The following DNAH14 variants were observed in gnomAD, a reference collection of about 807,000 sequenced individuals.
The protein encoded by DNAH14 is axonemal beta dynein heavy chain 14.
DNAH14 carries 478 observed loss-of-function variants against 520.9 expected under a neutral mutation model. The ratio of observed to expected loss-of-function variants is 0.92; its 90% CI spans 0.85 to 0.99. The LOEUF is 0.99. Ranked by LOEUF, DNAH14 falls within the 50% of genes least tolerant of loss-of-function variation. The pLI, the probability that DNAH14 is intolerant of heterozygous loss-of-function variation, is 0.00. For missense variants in DNAH14, 4,831 were observed against 5,234.5 expected (o/e 0.92, Z 2.38); for synonymous variants, 1,581 against 1,757.2 (o/e 0.90, Z 2.51).
At chr1:225,156,395 G>T (rs117814109) in intron 34 of DNAH14, among the ~76,000 whole-genome samples, 3,235 of 152,184 alleles carry the variant, frequency 0.021, 90 homozygotes, top group African/African-American at 0.062. Flanking sequence ...GAGACTCTTG[G>T]GCAGATTCCA....
At chr1:225,395,129 T>G in intron 84 of DNAH14, among the ~76,000 whole-genome samples, 1 of 152,208 alleles carries the variant, frequency 6.6e-6, no homozygotes, top group East Asian at 1.9e-4. Context: ...AGGAATTTTT[T>G]AATGAAGAAT....
intron 17 of DNAH14, among the ~76,000 whole-genome samples, chr1:225,070,336 G>A (rs988899410): frequency 6.6e-6 from 1 of 151,876 alleles, no homozygotes; most frequent in Admixed American, 6.6e-5. Context: ...TTTTGATGTG[G>A]GCATTTAGTG....
Position 225,333,236 on chromosome 1 carries a change from TATCTC to T in DNAH14, c.9865-52_9865-48del. On this transcript the variant is annotated intron_variant, in intron 65 of 85. Coordinates refer to ENST00000682510, the MANE Select transcript of DNAH14 (RefSeq NM_001367479.1). Reference sequence around the variant, plus strand: ...AACTTGGAAATCATTAATTTTAAAATATCTCATGATAATATATTTTATATAGAATA... The same window carrying T: ...AACTTGGAAATCATTAATTTTAAAATATGATAATATATTTTATATAGAATA... 9.7e-6 allele frequency: 13 copies of T among 1,345,008 alleles called. No homozygotes were observed. The South Asian group carries it at 1.7e-4, about 18-fold the overall frequency. 83.3% of individuals were successfully genotyped at this position (1,345,008 alleles called of 1,614,324 possible). A position where few individuals can be genotyped will look rare whatever the true frequency, so the allele number is the denominator to read the frequency against.
chr1:224,995,665 C>G (rs1386055453), intron 8 of DNAH14, among the ~76,000 whole-genome samples: 1 of 151,942 alleles, frequency 6.6e-6, no homozygotes, highest in African/African-American at 2.4e-5. Flanking sequence ...TTTGTAACTT[C>G]TATTTTGAGA....
At chr1:225,167,071 T>C (rs1293020625) in intron 35 of DNAH14, among the ~76,000 whole-genome samples, 1 of 152,220 alleles carries the variant, frequency 6.6e-6, no homozygotes, top group African/African-American at 2.4e-5. Context: ...ATTCATAAGT[T>C]CAGGCCTGAA....
At chr1:225,194,988 G>T (rs980167749) in intron 38 of DNAH14, among the ~76,000 whole-genome samples, 2 of 152,054 alleles carry the variant, frequency 1.3e-5, no homozygotes, top group African/African-American at 2.4e-5. Context: ...AGTCAGAATG[G>T]CTATTACAAA....
chr1:225,075,222 C>T (rs1035095970), intron 17 of DNAH14, among the ~76,000 whole-genome samples: 1 of 152,158 alleles, frequency 6.6e-6, no homozygotes, highest in Non-Finnish European at 1.5e-5. Flanking sequence ...CTCACCACTT[C>T]CCTGGGTGGG....
intron 55 of DNAH14, among the ~76,000 whole-genome samples, chr1:225,293,576 T>C (rs1369775970): frequency 4.6e-5 from 7 of 152,040 alleles, no homozygotes; most frequent in Non-Finnish European, 1.5e-5. Context: ...CAGAAAACCA[T>C]ATACTAAATG....
intron 84 of DNAH14, among the ~76,000 whole-genome samples, chr1:225,393,627 AGG>A (rs201833828): frequency 0.012 from 1,897 of 152,292 alleles, 41 homozygotes; most frequent in African/African-American, 0.042. Flanking sequence ...AAATACACTG[AGG>A]GTCATACATG....
intron 66 of DNAH14, among the ~76,000 whole-genome samples, chr1:225,334,665 G>C (rs1422226640): frequency 6.6e-6 from 1 of 152,086 alleles, no homozygotes; most frequent in Non-Finnish European, 1.5e-5. Context: ...TACAGCCACA[G>C]TTTGAGAACA....
rs763548343 is a variant in DNAH14, at chr1:225,389,750, A to C, written c.13207A>C (p.Thr4403Pro). 1.3e-6 allele frequency: 2 copies of C among 1,552,250 alleles called. No homozygotes were observed. The highest frequency in any genetic ancestry group is 1.7e-6 in the Non-Finnish European group (2 of 1,147,090). Residue 4403 changes from threonine to proline, a missense_variant, in exon 83 of 86, where the codon ACA becomes CCA. By Grantham distance (38) the Thr-to-Pro change is conservative (BLOSUM62 -1). Transcript: ENST00000682510. ...AIQRRYMRFV[T>P]VWKQSIPSTS... ...TTCCACTAGGTATATGAGATTTGTC[A>C]CAGTTTGGAAGCAGTCTATTCCATC... is the stretch of plus-strand genomic sequence containing the variant.
chr1:225,287,783 G>A (rs1376382838), intron 54 of DNAH14, among the ~76,000 whole-genome samples: 1 of 152,032 alleles, frequency 6.6e-6, no homozygotes, highest in African/African-American at 2.4e-5. Flanking sequence ...ATATGAGCCT[G>A]GAGAATCCTG....
In DNAH14 at chr1:225,240,834, G is replaced by A. The variant is rs1320554938; in HGVS notation, c.6748+12G>A. Reference sequence around the variant, plus strand: ...CAGTTCACAAGTAGGTAAGTTCTGTGGGAAAAATCATAACTATACTTATTT... The same window carrying A: ...CAGTTCACAAGTAGGTAAGTTCTGTAGGAAAAATCATAACTATACTTATTT... On this transcript the variant is annotated intron_variant, in intron 43 of 85. Coordinates refer to ENST00000682510, the MANE Select transcript of DNAH14 (RefSeq NM_001367479.1). 1.3e-6 allele frequency: 2 copies of A among 1,503,958 alleles called. No homozygotes were observed. The highest frequency in any genetic ancestry group is 1.2e-5 in the South Asian group (1 of 81,372). The allele number at this position is 1,503,958 out of a possible 1,614,324, so 93.2% of individuals were successfully genotyped here. A position where few individuals can be genotyped will look rare whatever the true frequency, so the allele number is the denominator to read the frequency against.
chr1:225,388,318 G>A (rs2095865067), intron 81 of DNAH14, 61 bp from the exon 82 acceptor site: 2 of 1,001,634 alleles, frequency 2.0e-6, no homozygotes, highest in Non-Finnish European at 3.0e-6. Flanking sequence ...TTGCAGAAAT[G>A]TTCCTAATGA....
intron 74 of DNAH14, among the ~76,000 whole-genome samples, chr1:225,360,355 G>A (rs2095479194): frequency 6.6e-6 from 1 of 152,224 alleles, no homozygotes; most frequent in South Asian, 2.1e-4. Context: ...GATGCCCACA[G>A]AAGTTAAAAA....
intron 77 of DNAH14, among the ~76,000 whole-genome samples, chr1:225,372,061 A>G (rs887874288): frequency 2.0e-5 from 3 of 152,186 alleles, no homozygotes; most frequent in African/African-American, 7.2e-5. Flanking sequence ...TACATAGGTA[A>G]TAAGTGGAGG....
At chr1:225,223,213 A>T (rs531929362) in intron 41 of DNAH14, among the ~76,000 whole-genome samples, 2 of 152,332 alleles carry the variant, frequency 1.3e-5, no homozygotes, top group South Asian at 4.1e-4. Flanking sequence ...CGGTAATGCA[A>T]GATCGACAAA....
intron 11 of DNAH14, among the ~76,000 whole-genome samples, chr1:225,035,066 T>G (rs1351919647): frequency 6.6e-6 from 1 of 151,840 alleles, no homozygotes; most frequent in Non-Finnish European, 1.5e-5. Context: ...TTTTTGTGTG[T>G]GTGCATGTGT....
intron 80 of DNAH14, among the ~76,000 whole-genome samples, chr1:225,380,941 C>A (rs769125786): frequency 2.6e-5 from 4 of 152,162 alleles, no homozygotes; most frequent in Admixed American, 6.5e-5. Context: ...TTAGGGCTCG[C>A]AGGCCAAATC....
Sources: allele counts gnomAD v4.1 joint callset (sites outside exome capture counted in the v4.1 genomes callset), GRCh38; gene constraint gnomAD v4.1.1; transcripts MANE v1.5; gene names NCBI Gene and HGNC (gene_info 2026-07-23, HGNC 2026-07-21).